The following SNX7 variants were observed in gnomAD, a reference collection of about 807,000 sequenced individuals.
The protein encoded by SNX7 is sorting nexin 7.
Under a neutral mutation model 48.4 loss-of-function variants are expected in SNX7, and 35 were observed. The observed-to-expected ratio is 0.72, with a 90% CI of 0.55 to 0.96. SNX7 has a LOEUF of 0.96. Among genes scored for constraint, SNX7 ranks in the 40% least tolerant of loss-of-function variants. SNX7 has a pLI of 0.00. For synonymous variants in SNX7, 190 were observed against 190.2 expected (o/e 1.00, Z 0.01); for missense variants, 553 against 548.9 (o/e 1.01, Z -0.07).
intron 8 of SNX7, among the ~76,000 whole-genome samples, chr1:98,744,241 TAC>T (rs1189448674): frequency 6.6e-6 from 1 of 152,052 alleles, no homozygotes; most frequent in African/African-American, 2.4e-5. Flanking sequence ...AAGTTAGTTA[TAC>T]TTTCTCAAAA....
chr1:98,671,921 A>G (rs997022301), intron 1 of SNX7, among the ~76,000 whole-genome samples: 1 of 152,240 alleles, frequency 6.6e-6, no homozygotes, highest in Non-Finnish European at 1.5e-5. Flanking sequence ...TGAATCATTT[A>G]AAGTGAAATA....
At chr1:98,720,853 G>T (rs1345544333) in intron 7 of SNX7, among the ~76,000 whole-genome samples, 1 of 151,946 alleles carries the variant, frequency 6.6e-6, no homozygotes, top group East Asian at 1.9e-4. Context: ...AATCAAAGAA[G>T]GGAGATCATT....
Position 98,685,045 on chromosome 1 carries a change from T to C in SNX7, c.341T>C (p.Ile114Thr). Residue 114 changes from isoleucine to threonine, a missense_variant, in exon 2 of 9, where the codon ATT (isoleucine) becomes ACT (threonine). Coordinates refer to ENST00000306121, the MANE Select transcript of SNX7 (RefSeq NM_015976.5). The part of the protein sequence containing the change: ...ESHVTTIETF[I>T]TYRIITKTSR... ...CATGTTACTACAATAGAAACTTTCA[T>C]TACGTATAGGATTATTACTAAGGTA... 6.4e-7 allele frequency: 1 copy of C among 1,562,460 alleles called. No homozygotes were observed. Among genetic ancestry groups the C allele is most frequent in the Non-Finnish European group, 8.7e-7 (1 of 1,150,708 alleles).
chr1:98,677,032 C>T (rs1275557547), intron 1 of SNX7, among the ~76,000 whole-genome samples: 1 of 151,998 alleles, frequency 6.6e-6, no homozygotes, highest in Admixed American at 6.6e-5. Context: ...TAACAACAGA[C>T]AAAACTTTTG....
intron 6 of SNX7, 82 bp from the exon 7 acceptor site, chr1:98,701,735 A>C: frequency 1.2e-6 from 1 of 850,358 alleles, no homozygotes; most frequent in Middle Eastern, 3.7e-4. Flanking sequence ...TGCTATTTAT[A>C]TTCTGAAATA....
chr1:98,698,784 T>A lies in SNX7; in HGVS notation c.917T>A (p.Leu306Gln), dbSNP rs1413023790. Reference sequence around the variant, plus strand: ...TCAGAAGAGGATCTGGTTGATACTCTAAAGGATGTTGCCAGCTGCATTGAC... The same window carrying A: ...TCAGAAGAGGATCTGGTTGATACTCAAAAGGATGTTGCCAGCTGCATTGAC... ...SASEEDLVDT[L>Q]KDVASCIDRC... Residue 306 changes from leucine to glutamine, a missense_variant, in exon 6 of 9, where the codon CTA becomes CAA. Leu to Gln is a moderately radical substitution (Grantham distance 113, BLOSUM62 -2). Coordinates refer to ENST00000306121, the MANE Select transcript of SNX7 (RefSeq NM_015976.5). The A allele has an allele frequency of 1.2e-6, 2 of 1,613,728 alleles. No individual in the cohort carries two copies. The highest frequency in any genetic ancestry group is 3.3e-5 in the Admixed American group (2 of 59,976).
At chr1:98,686,905 C>T (rs912552414) in intron 2 of SNX7, among the ~76,000 whole-genome samples, 5 of 152,064 alleles carry the variant, frequency 3.3e-5, no homozygotes, top group Admixed American at 6.6e-5. Context: ...CCATCATTTG[C>T]GTCTCTCAGA....
intron 8 of SNX7, among the ~76,000 whole-genome samples, chr1:98,759,530 G>T (rs527917217): frequency 1.3e-5 from 2 of 152,162 alleles, no homozygotes; most frequent in South Asian, 2.1e-4. Flanking sequence ...AACTTTTGGA[G>T]CATTCACTTT....
chr1:98,701,741 A>AAATATAT (rs1651759796), intron 6 of SNX7, 76 bp from the exon 7 acceptor site: 1 of 913,370 alleles, frequency 1.1e-6, no homozygotes, highest in Non-Finnish European at 1.6e-6. Flanking sequence ...TTATATTCTG[A>AAATATAT]AATATATATT....
rs532710100 is a variant in SNX7, at chr1:98,739,296, A to G, written c.1278+907A>G. On this transcript the variant is annotated intron_variant, in intron 8 of 8. Transcript: ENST00000306121. Reference sequence around the variant, plus strand: ...CTCCTGCTGTGCGGCTGGGTTCCTAACAGGCCAATGACCAGTACCAGTCCA... The same window carrying G: ...CTCCTGCTGTGCGGCTGGGTTCCTAGCAGGCCAATGACCAGTACCAGTCCA... Among the ~76,000 whole-genome samples, 3 of 152,258 alleles carry G rather than the reference A, an allele frequency of 2.0e-5. No homozygotes were observed. In the East Asian group the frequency reaches 5.8e-4, roughly 29 times the overall value.
chr1:98,661,797 G>A lies in SNX7; in HGVS notation c.66G>A (p.Gly22=), dbSNP rs748275905. ...SSGLPAGGAN[G]ESPGGGAPFP... is the part of the protein sequence containing the mutation. ...GCCTCCCGGCCGGGGGCGCCAACGGGGAGAGCCCGGGGGGCGGCGCCCCCT... is the reference window on the plus strand; with the variant it reads ...GCCTCCCGGCCGGGGGCGCCAACGGAGAGAGCCCGGGGGGCGGCGCCCCCT... Residue 22 remains glycine, a synonymous_variant, in exon 1 of 9, where the codon GGG becomes GGA. Transcript: ENST00000306121. 1.9e-5 allele frequency: 24 copies of A among 1,244,510 alleles called. No individual in the cohort carries two copies. The highest frequency in any genetic ancestry group is 4.2e-5 in the Admixed American group (1 of 23,630). The allele number at this position is 1,244,510 out of a possible 1,614,324, so 77.1% of individuals were successfully genotyped here. A position where few individuals can be genotyped will look rare whatever the true frequency, so the allele number is the denominator to read the frequency against.
chr1:98,736,778 AAGG>A (rs1570592038), intron 7 of SNX7, among the ~76,000 whole-genome samples: 1 of 152,180 alleles, frequency 6.6e-6, no homozygotes, highest in African/African-American at 2.4e-5. Flanking sequence ...CATATTTAAA[AAGG>A]AGCTAATTCA....
chr1:98,714,995 G>C (rs1285092162), intron 7 of SNX7, among the ~76,000 whole-genome samples: 1 of 152,142 alleles, frequency 6.6e-6, no homozygotes, highest in African/African-American at 2.4e-5. Context: ...AGAATAAGTT[G>C]TAAATCTAAT....
intron 7 of SNX7, among the ~76,000 whole-genome samples, chr1:98,710,792 C>T (rs1652259339): frequency 6.6e-6 from 1 of 152,112 alleles, no homozygotes; most frequent in Non-Finnish European, 1.5e-5. Context: ...AATTAGAAGC[C>T]AGGAGAAGGC....
chr1:98,673,472 C>G (rs533810204), intron 1 of SNX7, among the ~76,000 whole-genome samples: 6 of 152,272 alleles, frequency 3.9e-5, no homozygotes, highest in African/African-American at 1.4e-4. Context: ...TTCTTCTTAT[C>G]TGAAATTATC....
At chr1:98,688,841 G>A (rs1045677209) in intron 2 of SNX7, among the ~76,000 whole-genome samples, 6 of 152,120 alleles carry the variant, frequency 3.9e-5, no homozygotes, top group South Asian at 2.1e-4. Flanking sequence ...TTGGATATAT[G>A]TTATCAAACC....
intron 4 of SNX7, 23 bp downstream of exon 4, chr1:98,691,722 CAT>C (rs1334431189): frequency 1.3e-6 from 2 of 1,557,432 alleles, no homozygotes; most frequent in Non-Finnish European, 1.7e-6. Flanking sequence ...TATTTATACT[CAT>C]ATAATCTTTG....
intron 7 of SNX7, among the ~76,000 whole-genome samples, chr1:98,721,556 C>T (rs1015502853): frequency 6.6e-6 from 1 of 151,900 alleles, no homozygotes; most frequent in Non-Finnish European, 1.5e-5. Flanking sequence ...TTCAATAAGC[C>T]TTATTTTTTC....
intron 8 of SNX7, among the ~76,000 whole-genome samples, chr1:98,742,480 G>T (rs958073971): frequency 7.2e-5 from 11 of 152,044 alleles, no homozygotes; most frequent in Admixed American, 7.2e-4. Flanking sequence ...AAATTACGCA[G>T]TTTGTCGTTA....
Sources: allele counts gnomAD v4.1 joint callset (sites outside exome capture counted in the v4.1 genomes callset), GRCh38; gene constraint gnomAD v4.1.1; transcripts MANE v1.5; gene names NCBI Gene and HGNC (gene_info 2026-07-23, HGNC 2026-07-21).